The following ANKRD17 variants were observed in gnomAD, a reference collection of about 807,000 sequenced individuals.
The protein encoded by ANKRD17 is ankyrin repeat domain-containing protein 17.
In ANKRD17, 19 loss-of-function variants were observed where a neutral mutation model predicts 229.7. That is an observed-to-expected ratio of 0.08 (90% confidence interval 0.06 to 0.12). ANKRD17 has a LOEUF of 0.12. Among genes scored for constraint, ANKRD17 ranks in the 10% least tolerant of loss-of-function variants. ANKRD17 has a pLI of 1.00. For missense variants in ANKRD17, 2,176 were observed against 3,176.8 expected, an observed-to-expected ratio of 0.68 and a Z score of 7.57; for synonymous variants, 1,112 against 1,146.1, an observed-to-expected ratio of 0.97 and a Z score of 0.60.
chr4:73,254,777 A>C (rs896125958), intron 1 of ANKRD17, among the ~76,000 whole-genome samples: 1 of 152,108 alleles, frequency 6.6e-6, no homozygotes, highest in Non-Finnish European at 1.5e-5. Context: ...TCCAAAAAAA[A>C]AAAAAGAAAG....
intron 1 of ANKRD17, among the ~76,000 whole-genome samples, chr4:73,209,915 CAA>C (rs1438814827): frequency 6.6e-6 from 1 of 151,928 alleles, no homozygotes; most frequent in Non-Finnish European, 1.5e-5. Context: ...AAATCCTTAG[CAA>C]ACTAGGAATA....
In ANKRD17 at chr4:73,074,806, GCTTA is replaced by G. The variant is rs1431583690; in HGVS notation, c.*1421_*1424del. On this transcript the variant is annotated 3_prime_UTR_variant, in exon 34 of 34. Transcript: ENST00000358602. The stretch of plus-strand genomic sequence containing the variant: ...GATATATACATTACTCGATTTTTAT[GCTTA>G]CTTTCTTTTACATTTCAACCATATA... The G allele has an allele frequency of 1.3e-5, 2 of 152,126 alleles. No individual in the cohort carries two copies. Among genetic ancestry groups the G allele is most frequent in the East Asian group, 1.9e-4 (1 of 5,192 alleles). The allele number at this position is 152,126 out of a possible 1,614,324, so 9.4% of individuals were successfully genotyped here. A position where few individuals can be genotyped will look rare whatever the true frequency, so the allele number is the denominator to read the frequency against.
chr4:73,165,388 G>C (rs1003046935), intron 2 of ANKRD17, among the ~76,000 whole-genome samples: 2 of 152,206 alleles, frequency 1.3e-5, no homozygotes, highest in Non-Finnish European at 2.9e-5. Context: ...GTATACAGGA[G>C]GATGACATGA....
intron 1 of ANKRD17, among the ~76,000 whole-genome samples, chr4:73,242,348 GAATAA>G (rs1287909462): frequency 6.6e-6 from 1 of 151,870 alleles, no homozygotes; most frequent in African/African-American, 2.4e-5. Context: ...AAGTATAATG[GAATAA>G]AATATACCAT....
At chr4:73,184,528 C>CAAA (rs776930137) in intron 1 of ANKRD17, among the ~76,000 whole-genome samples, 30 of 29,948 alleles carry the variant, frequency 1.0e-3, no homozygotes, top group Middle Eastern at 0.029. Flanking sequence ...GACTTCCTCT[C>CAAA]AAAAAAAAAA....
At chr4:73,149,242 A>T (rs1730678170) in intron 7 of ANKRD17, among the ~76,000 whole-genome samples, 192 bp from the exon 8 acceptor site, 1 of 152,198 alleles carries the variant, frequency 6.6e-6, no homozygotes, top group Non-Finnish European at 1.5e-5. Flanking sequence ...GAAGAGGGAA[A>T]TAGAGATTGA....
rs745349221 is a variant in ANKRD17, at chr4:73,077,103, C to T, written c.7589G>A (p.Gly2530Asp). 2 of 1,561,338 alleles carry T rather than the reference C, an allele frequency of 1.3e-6. No individual in the cohort carries two copies. Among genetic ancestry groups the T allele is most frequent in the South Asian group, 1.2e-5 (1 of 82,644 alleles). The part of the protein sequence containing the change: ...AGYMDFPKVG[G>D]MPFSVYGNAM... Reference sequence around the variant, plus strand: ...ATTCCCATACACAGAAAAAGGCATACCCTTAAAAAAGGAAAACACACACAT... The same window carrying T: ...ATTCCCATACACAGAAAAAGGCATATCCTTAAAAAAGGAAAACACACACAT... The change falls in exon 33 of 34, where the codon GGT (glycine) becomes GAT (aspartate). Residue 2530 changes from glycine (G) to aspartate (D), a missense_variant and splice_region_variant. By Grantham distance (94) the Gly-to-Asp change is moderately conservative. Around this residue, in one of 18 missense-constraint regions of ANKRD17, gnomAD observed 159 missense variants for 214.3 expected, o/e 0.74. Transcript: ENST00000358602.
chr4:73,082,452 C>T (rs1348529033), intron 30 of ANKRD17, among the ~76,000 whole-genome samples: 1 of 152,166 alleles, frequency 6.6e-6, no homozygotes, highest in Non-Finnish European at 1.5e-5. Context: ...TGGTCACACA[C>T]TGCTGCATTC....
intron 30 of ANKRD17, among the ~76,000 whole-genome samples, chr4:73,082,095 A>G (rs1721626411): frequency 6.6e-6 from 1 of 150,484 alleles, no homozygotes. Context: ...GGTTACAGTG[A>G]GCCAAGATTG....
intron 24 of ANKRD17, among the ~76,000 whole-genome samples, chr4:73,111,435 C>T (rs988819031): frequency 3.3e-5 from 5 of 152,158 alleles, no homozygotes; most frequent in Admixed American, 2.0e-4. Flanking sequence ...CGCAAAATTT[C>T]ATCACACTAC....
chr4:73,182,938 C>T (rs1299928030), intron 1 of ANKRD17, among the ~76,000 whole-genome samples: 1 of 152,128 alleles, frequency 6.6e-6, no homozygotes, highest in East Asian at 1.9e-4. Flanking sequence ...AAAATGTCTC[C>T]AGACATTGCT....
intron 2 of ANKRD17, among the ~76,000 whole-genome samples, chr4:73,172,328 C>T (rs993288749): frequency 1.3e-5 from 2 of 152,096 alleles, no homozygotes; most frequent in Non-Finnish European, 2.9e-5. Context: ...GCAAATATAT[C>T]CCTTAAACAT....
chr4:73,104,085 T>G (rs907683046), intron 24 of ANKRD17: 2 of 152,184 alleles, frequency 1.3e-5, no homozygotes, highest in Non-Finnish European at 2.9e-5. Context: ...CCATACTTTC[T>G]CCAGCAAATC....
rs1175850592 is a variant in ANKRD17 at position 73,110,011 on chromosome 4, C to CAA, written c.4401+3779_4401+3780dup. On this transcript the variant is annotated intron_variant, in intron 24 of 33. Transcript: ENST00000358602. ...ATTACCTAGCTCCCTAAAAGTTTAC[C>CAA]AAAAAAAAAAAAAAAAAAAAAAAAG... is the stretch of plus-strand genomic sequence containing the variant. 6.6e-3 allele frequency among the ~76,000 whole-genome samples: 218 copies of CAA among 33,206 alleles called. 16 individuals are homozygous for CAA. The highest frequency in any genetic ancestry group is 0.021 in the Admixed American group (51 of 2,430). The allele number at this position is 33,206 out of a possible 152,430, so 21.8% of individuals were successfully genotyped here.
chr4:73,147,538 TATTAC>T, intron 8 of ANKRD17, 106 bp from the exon 9 acceptor site: 1 of 946,910 alleles, frequency 1.1e-6, no homozygotes, highest in Non-Finnish European at 1.4e-6. Flanking sequence ...TGAACATTTA[TATTAC>T]TATAATAAAT....
chr4:73,118,374 GTACT>G (rs1228803461), intron 22 of ANKRD17, among the ~76,000 whole-genome samples: 4 of 151,824 alleles, frequency 2.6e-5, no homozygotes, highest in East Asian at 1.9e-4. Context: ...CTAACTGGAG[GTACT>G]TACTTAAGTA....
chr4:73,203,758 C>CAAAAAAAAAAAAAAAAAA (rs67020753), intron 1 of ANKRD17, among the ~76,000 whole-genome samples: 1 of 82,162 alleles, frequency 1.2e-5, no homozygotes, highest in Non-Finnish European at 2.2e-5. Context: ...GACTCCGTCT[C>CAAAAAAAAAAAAAAAAAA]AAAAAAAAAA....
intron 1 of ANKRD17, among the ~76,000 whole-genome samples, chr4:73,234,835 G>C (rs1743361541): frequency 6.6e-6 from 1 of 152,174 alleles, no homozygotes; most frequent in Non-Finnish European, 1.5e-5. Flanking sequence ...AAGGGTAGGA[G>C]GGAAGCCCAA....
intron 21 of ANKRD17, among the ~76,000 whole-genome samples, chr4:73,119,286 G>T (rs1199577564): frequency 1.3e-5 from 2 of 152,122 alleles, no homozygotes; most frequent in Admixed American, 1.3e-4. Context: ...AATATTCAAA[G>T]ATGTAAATAT....
Sources: gnomAD v4.1 joint callset for allele counts (sites outside exome capture counted in the v4.1 genomes callset) on GRCh38, gnomAD v4.1.1 for gene constraint, gnomAD v4.1.1 regional missense constraint, MANE v1.5 for transcripts, NCBI Gene and HGNC (gene_info 2026-07-23, HGNC 2026-07-21) for gene names.